Variants in LARGE1 observed in about 807,000 individuals in gnomAD.
LARGE1 encodes the protein xylosyl- and glucuronyltransferase LARGE1.
Under a neutral mutation model 87.6 loss-of-function variants are expected in LARGE1, and 43 were observed. That is an observed-to-expected ratio of 0.49 (90% CI 0.38 to 0.63). The LOEUF is 0.63. LARGE1 is among the 30% of genes least tolerant of loss of function. The probability of loss-of-function intolerance (pLI) is 0.00; values close to 1 mark genes in which losing one functional copy is unlikely to be tolerated. For synonymous variants in LARGE1, 434 were observed against 394.6 expected, an observed-to-expected ratio of 1.10 and a Z score of -1.18; for missense variants, 802 against 1,000.2, an observed-to-expected ratio of 0.80 and a Z score of 2.67.
At chr22:33,580,196 TC>T (rs2078475288) in intron 5 of LARGE1, among the ~76,000 whole-genome samples, 1 of 151,500 alleles carries the variant, frequency 6.6e-6, no homozygotes, top group Admixed American at 6.6e-5. Context: ...CACGGAGAAA[TC>T]CCATCTCTAC....
At chr22:33,610,606 T>C (rs907395448) in intron 4 of LARGE1, among the ~76,000 whole-genome samples, 3 of 151,976 alleles carry the variant, frequency 2.0e-5, no homozygotes, top group Non-Finnish European at 1.5e-5. Flanking sequence ...AGCCTAACCA[T>C]GTGGAAAAGA....
chr22:33,822,528 A>G (rs2086855899), intron 1 of LARGE1, among the ~76,000 whole-genome samples: 1 of 152,040 alleles, frequency 6.6e-6, no homozygotes, highest in Non-Finnish European at 1.5e-5. Flanking sequence ...GTGAAGCCCC[A>G]TCTCTACTAA....
intron 1 of LARGE1, among the ~76,000 whole-genome samples, chr22:33,810,194 T>C (rs1340265369): frequency 6.6e-6 from 1 of 152,206 alleles, no homozygotes; most frequent in Non-Finnish European, 1.5e-5. Flanking sequence ...AAAATAGGTA[T>C]TGCTGTTTTC....
chr22:33,651,769 GA>G (rs928888045), intron 2 of LARGE1, among the ~76,000 whole-genome samples: 8 of 152,110 alleles, frequency 5.3e-5, no homozygotes, highest in Non-Finnish European at 1.0e-4. Context: ...AAGCAACAAG[GA>G]AAAAAGAAGT....
the LARGE1 span, among the ~76,000 whole-genome samples, chr22:33,093,214 A>G: frequency 2.6e-5 from 4 of 152,196 alleles, no homozygotes; most frequent in Non-Finnish European, 5.9e-5. Context: ...TCTGACTTTC[A>G]TTGCTCATCT....
intron 2 of LARGE1, among the ~76,000 whole-genome samples, chr22:33,682,525 T>G (rs1260630706): frequency 1.3e-5 from 2 of 152,246 alleles, no homozygotes; most frequent in African/African-American, 4.8e-5. Flanking sequence ...GAAATCTTCC[T>G]GACTCCTGCT....
At chr22:33,698,316 T>C (rs375571063) in intron 2 of LARGE1, among the ~76,000 whole-genome samples, 13 of 147,774 alleles carry the variant, frequency 8.8e-5, no homozygotes, top group African/African-American at 3.3e-4. Context: ...TCAAGCGATC[T>C]GCCCGCCTTA....
chr22:33,564,835 G>C lies in LARGE1; in HGVS notation c.787+13C>G. The C allele has an allele frequency of 6.2e-7, 1 of 1,613,978 alleles. No homozygotes were observed. Among genetic ancestry groups the C allele is most frequent in the South Asian group, 1.1e-5 (1 of 91,078 alleles). Reference sequence around the variant, plus strand: ...CAAGGATATCGGGGAAAAAACGAATGGGCTACCATTACCTTTGAACTTGTG... The same window carrying C: ...CAAGGATATCGGGGAAAAAACGAATCGGCTACCATTACCTTTGAACTTGTG... On this transcript the variant is annotated intron_variant, in intron 6 of 14. Transcript: ENST00000397394.
At chr22:33,604,293 C>G in intron 5 of LARGE1, 142 bp downstream of exon 5, 1 of 1,088,800 alleles carries the variant, frequency 9.2e-7, no homozygotes, top group Non-Finnish European at 1.4e-6. Flanking sequence ...AAATCAGATT[C>G]TGCTGGCAAA....
At chr22:33,473,038 T>C (rs2068914846) in intron 6 of LARGE1, among the ~76,000 whole-genome samples, 1 of 152,236 alleles carries the variant, frequency 6.6e-6, no homozygotes, top group Admixed American at 6.5e-5. Flanking sequence ...TTCCTGAATG[T>C]AGAACTTTTA....
chr22:33,294,515 G>C (rs182871762), intron 12 of LARGE1, among the ~76,000 whole-genome samples: 2 of 152,174 alleles, frequency 1.3e-5, no homozygotes, highest in African/African-American at 4.8e-5. Context: ...AGAAACCCTG[G>C]AACAGCACTG....
chr22:33,238,805 T>G (rs1193595749), intron 11 of LARGE1, among the ~76,000 whole-genome samples: 2 of 152,194 alleles, frequency 1.3e-5, no homozygotes, highest in African/African-American at 4.8e-5. Flanking sequence ...TACAGAACCC[T>G]TTGTGACATT....
intron 9 of LARGE1, among the ~76,000 whole-genome samples, chr22:33,342,735 C>G (rs1939299763): frequency 6.6e-6 from 1 of 152,200 alleles, no homozygotes; most frequent in South Asian, 2.1e-4. Context: ...CGCTCTGCAT[C>G]TGTCTAGTTT....
intron 5 of LARGE1, among the ~76,000 whole-genome samples, chr22:33,586,774 T>C (rs546938229): frequency 1.1e-4 from 17 of 152,224 alleles, no homozygotes; most frequent in Non-Finnish European, 2.4e-4. Flanking sequence ...ACAAGGTTAC[T>C]ATTCCCATTA....
chr22:33,500,067 G>T (rs2070355427), intron 6 of LARGE1, among the ~76,000 whole-genome samples: 1 of 152,196 alleles, frequency 6.6e-6, no homozygotes, highest in Admixed American at 6.5e-5. Context: ...GAGTCACCAC[G>T]ACTGGACTAA....
At chr22:33,548,743 C>T (rs758210141) in intron 6 of LARGE1, among the ~76,000 whole-genome samples, 8 of 152,190 alleles carry the variant, frequency 5.3e-5, no homozygotes, top group African/African-American at 1.9e-4. Flanking sequence ...AGTGTGAGAA[C>T]AGACTAATAC....
intron 7 of LARGE1, among the ~76,000 whole-genome samples, chr22:33,398,846 G>T (rs2065841260): frequency 6.6e-6 from 1 of 152,144 alleles, no homozygotes; most frequent in South Asian, 2.1e-4. Context: ...AATGCCTGGT[G>T]CTACCAGAGC....
the LARGE1 span, among the ~76,000 whole-genome samples, chr22:33,113,836 G>T: frequency 6.6e-6 from 1 of 150,586 alleles, no homozygotes; most frequent in Non-Finnish European, 1.5e-5. Flanking sequence ...CCATATAGCC[G>T]TGTGCCTCAG....
intron 2 of LARGE1, among the ~76,000 whole-genome samples, chr22:33,735,267 C>T (rs547224935): frequency 6.6e-6 from 1 of 152,260 alleles, no homozygotes; most frequent in Admixed American, 6.5e-5. Context: ...GACTCGAAGC[C>T]TTTTTCCTTT....
Sources: gnomAD v4.1 joint callset for allele counts (sites outside exome capture counted in the v4.1 genomes callset) on GRCh38, gnomAD v4.1.1 for gene constraint, MANE v1.5 for transcripts, NCBI Gene and HGNC (gene_info 2026-07-23, HGNC 2026-07-21) for gene names.